The following CEP95 variants were observed in gnomAD, a reference collection of about 807,000 sequenced individuals.
The protein encoded by CEP95 is centrosomal protein of 95 kDa.
A neutral mutation model predicts 111.2 loss-of-function variants in CEP95; 98 were observed. That is an observed-to-expected ratio of 0.88 (90% CI 0.75 to 1.04). The LOEUF is 1.04. CEP95 is among the 50% of genes least tolerant of loss of function. The pLI, the probability that CEP95 is intolerant of heterozygous loss-of-function variation, is 0.00. For missense variants in CEP95, 1,027 were observed against 977.2 expected (o/e 1.05, Z -0.68); for synonymous variants, 323 against 327.1 (o/e 0.99, Z 0.14).
intron 5 of CEP95, 135 bp from the exon 6 acceptor site, chr17:64,519,186 A>G (rs548978319): frequency 1.6e-6 from 1 of 620,206 alleles, no homozygotes; most frequent in Non-Finnish European, 2.9e-6. Flanking sequence ...TGAAAACAAA[A>G]CATAAGCAGC....
chr17:64,516,599 A>G (rs1436391847), intron 4 of CEP95, 124 bp from the exon 5 acceptor site: 5 of 494,602 alleles, frequency 1.0e-5, no homozygotes, highest in Non-Finnish European at 1.8e-5. Context: ...CACTTTCACT[A>G]GAACCCTGTT....
intron 3 of CEP95, among the ~76,000 whole-genome samples, chr17:64,512,817 T>G (rs1216906487): frequency 2.6e-5 from 4 of 152,234 alleles, no homozygotes; most frequent in African/African-American, 9.6e-5. Context: ...CTCTTTTTTT[T>G]GCAATTTGTA....
At chr17:64,515,546 A>C (rs1056093207) in intron 4 of CEP95, among the ~76,000 whole-genome samples, 1 of 152,058 alleles carries the variant, frequency 6.6e-6, no homozygotes, top group Non-Finnish European at 1.5e-5. Context: ...AGAGAGGAGG[A>C]GGCAACTGAG....
At chr17:64,510,774 C>G (rs2038849658) in intron 3 of CEP95, among the ~76,000 whole-genome samples, 2 of 152,218 alleles carry the variant, frequency 1.3e-5, no homozygotes, top group Admixed American at 6.5e-5. Flanking sequence ...TGGTCTGGAA[C>G]TCCTGGGCTC....
intron 7 of CEP95, 30 bp from the exon 8 acceptor site, chr17:64,522,672 C>A: frequency 6.5e-7 from 1 of 1,534,546 alleles, no homozygotes. Flanking sequence ...AGAATTGCAT[C>A]GTAATATCCA....
At position 64,533,192 on chromosome 17, in the gene CEP95, G is replaced by A; in HGVS notation, c.1917+1G>A. 6.3e-7 allele frequency: 1 copy of A among 1,579,246 alleles called. No homozygotes were observed. Among genetic ancestry groups the A allele is most frequent in the Non-Finnish European group, 8.6e-7 (1 of 1,168,684 alleles). ...AGAATATGAACATAACAAGAGACTG[G>A]TATGTCAAGAGCAAGTTGGGTATTA... is the stretch of plus-strand genomic sequence containing the variant. On this transcript the variant is annotated splice_donor_variant, in intron 16 of 19. Transcript: ENST00000556440. LOFTEE classifies it high-confidence loss of function.
rs368231222 is a variant in CEP95, at chr17:64,532,941, C to A, written c.1775C>A (p.Ala592Glu). The change falls in exon 15 of 20, where the codon GCA becomes GAA. Residue 592 changes from alanine to glutamate, a missense_variant. Ala to Glu is a moderately radical substitution (Grantham distance 107). Transcript: ENST00000556440. ...TLSKMWKQQI[A>E]QVEQLKKEAC... is the part of the protein sequence containing the mutation. ...AGCAAAATGTGGAAACAGCAAATTG[C>A]ACAGGTTGAACAGCTTAAGAAAGAA... 1.9e-6 allele frequency: 3 copies of A among 1,613,744 alleles called. No individual in the cohort carries two copies. In the African/African-American group the frequency reaches 4.0e-5, roughly 22 times the overall value.
At chr17:64,507,214 G>T in intron 1 of CEP95, 98 bp downstream of exon 1, 1 of 1,532,392 alleles carries the variant, frequency 6.5e-7, no homozygotes, top group Non-Finnish European at 8.8e-7. Flanking sequence ...CTGTCGGCGG[G>T]GCTCGTGACC....
intron 8 of CEP95, 84 bp downstream of exon 8, chr17:64,522,979 CGTGTGT>C (rs138961514): frequency 0.04 from 42,141 of 1,048,974 alleles, 1,290 homozygotes; most frequent in Admixed American, 0.13. Flanking sequence ...ATTAGAAGGC[CGTGTGT>C]GTGTATGTGT....
chr17:64,533,019 G>C lies in CEP95; in HGVS notation c.1842+11G>C. On this transcript the variant is annotated intron_variant, in intron 15 of 19. Transcript: ENST00000556440. The stretch of plus-strand genomic sequence containing the variant: ...AAACTCCAAGATGAAGTAAGTTACT[G>C]TCAGTCTTAAGCATAGGAATTTAAA... 1.9e-6 allele frequency: 3 copies of C among 1,611,072 alleles called. No individual in the cohort carries two copies. The highest frequency in any genetic ancestry group is 2.5e-6 in the Non-Finnish European group (3 of 1,179,110).
chr17:64,521,232 G>A (rs75460290), intron 6 of CEP95, among the ~76,000 whole-genome samples, 170 bp from the exon 7 acceptor site: 2,904 of 152,222 alleles, frequency 0.019, 40 homozygotes, highest in Non-Finnish European at 0.028. Flanking sequence ...GGGAAATGCT[G>A]TCTGAAAAAG....
In CEP95 at chr17:64,531,010, G is replaced by A; in HGVS notation, c.1531G>A (p.Glu511Lys). 1 of 1,538,838 alleles carries A rather than the reference G, an allele frequency of 6.5e-7. No homozygotes were observed. Among genetic ancestry groups the A allele is most frequent in the Non-Finnish European group, 8.8e-7 (1 of 1,135,744 alleles). The part of the protein sequence containing the change: ...IGPLRIHEKE[E>K]ETEKIYRGEA... ...ACCTCTAAGAATACATGAGAAGGAG[G>A]AGGAAACAGTGGGTAAAAGTCTCCA... is the stretch of plus-strand genomic sequence containing the variant. Residue 511 changes from glutamate to lysine, a missense_variant, in exon 13 of 20, where the codon GAG becomes AAG. Transcript: ENST00000556440.
chr17:64,521,666 TATTA>T (rs1201412945), intron 7 of CEP95, 139 bp downstream of exon 7: 2 of 712,918 alleles, frequency 2.8e-6, no homozygotes, highest in African/African-American at 3.7e-5. Context: ...AAATGTTTGC[TATTA>T]ATTATGGTAT....
chr17:64,513,499 TACTGTGCTAGGG>T (rs1227348893), intron 3 of CEP95, among the ~76,000 whole-genome samples: 1 of 152,194 alleles, frequency 6.6e-6, no homozygotes, highest in Non-Finnish European at 1.5e-5. Context: ...ACGGAGTAGG[TACTGTGCTAGGG>T]ACTGTGCTAT....
Position 64,514,269 on chromosome 17 carries a change from A to G in CEP95, c.278A>G (p.Asp93Gly). The G allele has an allele frequency of 1.4e-6, 2 of 1,444,476 alleles. No individual in the cohort carries two copies. Among genetic ancestry groups the G allele is most frequent in the Non-Finnish European group, 1.9e-6 (2 of 1,050,158 alleles). 89.5% of individuals were successfully genotyped at this position (1,444,476 alleles called of 1,614,324 possible). A position where few individuals can be genotyped will look rare whatever the true frequency, so the allele number is the denominator to read the frequency against. ...CCAGGAGAAAATATAGTGAAAGGAGATAAAGAATCTATTAAGAATCTCCTG... is the reference window on the plus strand; with the variant it reads ...CCAGGAGAAAATATAGTGAAAGGAGGTAAAGAATCTATTAAGAATCTCCTG... ...HITGENIVKG[D>G]KESIKNLLEI... Residue 93 changes from aspartate to glycine, a missense_variant, in exon 4 of 20, where the codon GAT becomes GGT. Transcript: ENST00000556440.
At chr17:64,523,985 C>G (rs1598217630) in intron 8 of CEP95, among the ~76,000 whole-genome samples, 1 of 151,362 alleles carries the variant, frequency 6.6e-6, no homozygotes, top group East Asian at 1.9e-4. Context: ...TTTAAACATT[C>G]AAGCAATGCA....
At chr17:64,528,988 C>T (rs1968067542) in intron 11 of CEP95, among the ~76,000 whole-genome samples, 1 of 152,220 alleles carries the variant, frequency 6.6e-6, no homozygotes, top group Non-Finnish European at 1.5e-5. Context: ...TACCTTTTCT[C>T]TCTTTGCATC....
chr17:64,522,332 A>C (rs1367987070), intron 7 of CEP95, among the ~76,000 whole-genome samples: 3 of 152,098 alleles, frequency 2.0e-5, no homozygotes, highest in Non-Finnish European at 4.4e-5. Context: ...GAACAGTTTT[A>C]TGATAATAAC....
At chr17:64,525,634 T>C in intron 8 of CEP95, 136 bp from the exon 9 acceptor site, 1 of 573,848 alleles carries the variant, frequency 1.7e-6, no homozygotes, top group Non-Finnish European at 3.0e-6. Context: ...ATAGGGTCTT[T>C]TGACAAATGC....
Sources: allele counts gnomAD v4.1 joint callset (sites outside exome capture counted in the v4.1 genomes callset), GRCh38; gene constraint gnomAD v4.1.1; transcripts MANE v1.5; gene names NCBI Gene and HGNC (gene_info 2026-07-23, HGNC 2026-07-21).